ATAD2B: variants seen among roughly 807,000 people sequenced by gnomAD.
ATAD2B encodes the protein ATPase family AAA domain-containing protein 2B.
A neutral mutation model predicts 167.6 loss-of-function variants in ATAD2B; 40 were observed. The ratio of observed to expected loss-of-function variants is 0.24; its 90% CI spans 0.19 to 0.31. The LOEUF is 0.31. Among genes scored for constraint, ATAD2B ranks in the 10% least tolerant of loss-of-function variants. The pLI is 1.00. For missense variants in ATAD2B, 1,242 were observed against 1,757.2 expected (o/e 0.71, Z 5.24); for synonymous variants, 579 against 596.5 (o/e 0.97, Z 0.43).
At chr2:23,711,464 G>A in the ATAD2B span, among the ~76,000 whole-genome samples, 3 of 141,296 alleles carry the variant, frequency 2.1e-5, no homozygotes, top group Non-Finnish European at 4.5e-5. Flanking sequence ...CCGCCTCCTG[G>A]ATTCAAGTGA....
Position 23,911,596 on chromosome 2 carries a change from A to C in ATAD2B, c.216+14959T>G, listed in dbSNP as rs983144611. On this transcript the variant is annotated intron_variant, in intron 1 of 27. Coordinates refer to ENST00000238789, the MANE Select transcript of ATAD2B (RefSeq NM_017552.4). ...AAGAAGAGGAGAAAGAAGAGAACAGAGGAAGGGGACGGGGAGGGGGAGGGG... is the reference window on the plus strand; with the variant it reads ...AAGAAGAGGAGAAAGAAGAGAACAGCGGAAGGGGACGGGGAGGGGGAGGGG... Among the ~76,000 whole-genome samples the C allele has an allele frequency of 1.0e-4, 15 of 147,936 alleles. No homozygotes were observed. In the South Asian group the frequency reaches 3.3e-3, roughly 32 times the overall value.
intron 1 of ATAD2B, among the ~76,000 whole-genome samples, chr2:23,910,474 G>A (rs558839452): frequency 2.3e-4 from 35 of 150,992 alleles, no homozygotes; most frequent in East Asian, 2.0e-4. Flanking sequence ...CACTGCGCCC[G>A]GCCTGCATAC....
chr2:23,739,368 A>G, the ATAD2B span, among the ~76,000 whole-genome samples: 8 of 152,172 alleles, frequency 5.3e-5, no homozygotes, highest in Non-Finnish European at 1.0e-4. Context: ...CCACAGTGCA[A>G]TCAAACTAGA....
At chr2:23,775,876 G>A (rs567578751) in intron 22 of ATAD2B, among the ~76,000 whole-genome samples, 64 of 152,266 alleles carry the variant, frequency 4.2e-4, no homozygotes, top group Non-Finnish European at 9.0e-4. Flanking sequence ...CCAGCACTTT[G>A]GGAAGCCAAG....
chr2:23,826,493 C>T (rs1467945345), intron 15 of ATAD2B, among the ~76,000 whole-genome samples: 1 of 152,112 alleles, frequency 6.6e-6, no homozygotes, highest in African/African-American at 2.4e-5. Flanking sequence ...TCTACCATTA[C>T]AATTCTAATA....
chr2:23,729,337 A>G, the ATAD2B span, among the ~76,000 whole-genome samples: 1 of 152,224 alleles, frequency 6.6e-6, no homozygotes, highest in African/African-American at 2.4e-5. Context: ...CTTTGAAATG[A>G]GCCAATTAAA....
the ATAD2B span, among the ~76,000 whole-genome samples, chr2:23,732,531 T>A: frequency 3.7e-4 from 57 of 152,342 alleles, 2 homozygotes; most frequent in Admixed American, 3.6e-3. Flanking sequence ...TATAAATTCA[T>A]GATTAACCTA....
At chr2:23,783,208 T>C (rs1222029296) in intron 21 of ATAD2B, among the ~76,000 whole-genome samples, 180 bp from the exon 22 acceptor site, 1 of 151,832 alleles carries the variant, frequency 6.6e-6, no homozygotes, top group Non-Finnish European at 1.5e-5. Flanking sequence ...ATACTTTCCA[T>C]GAAAGCTTCA....
intron 17 of ATAD2B, among the ~76,000 whole-genome samples, 191 bp downstream of exon 17, chr2:23,819,556 G>A (rs1687138908): frequency 6.6e-6 from 1 of 151,074 alleles, no homozygotes; most frequent in African/African-American, 2.4e-5. Flanking sequence ...AAACACCTAG[G>A]TAGTTAACCA....
At chr2:23,888,827 A>T (rs1699058968) in intron 2 of ATAD2B, among the ~76,000 whole-genome samples, 1 of 152,244 alleles carries the variant, frequency 6.6e-6, no homozygotes, top group African/African-American at 2.4e-5. Flanking sequence ...AATATCATTT[A>T]ATAATTTCTT....
the ATAD2B span, chr2:23,693,474 G>C: frequency 1.3e-6 from 2 of 1,551,726 alleles, no homozygotes; most frequent in Non-Finnish European, 1.7e-6. Context: ...CTGAGGAGCT[G>C]GTGTACGAGA....
At chr2:23,729,815 A>G in the ATAD2B span, among the ~76,000 whole-genome samples, 4 of 152,250 alleles carry the variant, frequency 2.6e-5, no homozygotes, top group Non-Finnish European at 5.9e-5. Context: ...AGAATATTAC[A>G]TGATAATAAA....
intron 12 of ATAD2B, among the ~76,000 whole-genome samples, chr2:23,858,248 G>A (rs185431754): frequency 1.6e-4 from 24 of 151,970 alleles, no homozygotes; most frequent in Admixed American, 7.2e-4. Context: ...AGCCTCCCGA[G>A]TAGCTGGGAT....
chr2:23,878,735 C>T (rs1697419067), intron 7 of ATAD2B, among the ~76,000 whole-genome samples: 1 of 149,786 alleles, frequency 6.7e-6, no homozygotes, highest in African/African-American at 2.4e-5. Context: ...ATAAAAAAGA[C>T]AAGCAACAGA....
intron 16 of ATAD2B, among the ~76,000 whole-genome samples, chr2:23,821,022 G>T (rs2149635005): frequency 6.6e-6 from 1 of 152,194 alleles, no homozygotes; most frequent in South Asian, 2.1e-4. Flanking sequence ...TCTTTTGAGT[G>T]ATAATTTCAT....
At chr2:23,777,348 A>G (rs1020454052) in intron 22 of ATAD2B, among the ~76,000 whole-genome samples, 1 of 146,226 alleles carries the variant, frequency 6.8e-6, no homozygotes, top group African/African-American at 2.5e-5. Context: ...CATAATACTG[A>G]TATATCTATA....
intron 22 of ATAD2B, among the ~76,000 whole-genome samples, chr2:23,782,270 C>G (rs555762507): frequency 1.9e-4 from 29 of 152,380 alleles, no homozygotes; most frequent in Non-Finnish European, 2.6e-4. Context: ...AACGCAAGTC[C>G]AAATCCTATA....
At chr2:23,694,868 C>T in the ATAD2B span, among the ~76,000 whole-genome samples, 5 of 152,116 alleles carry the variant, frequency 3.3e-5, no homozygotes, top group Non-Finnish European at 5.9e-5. Flanking sequence ...TCCTCTTGCC[C>T]CTCGTGAATT....
intron 13 of ATAD2B, among the ~76,000 whole-genome samples, chr2:23,839,073 C>T (rs1690463581): frequency 6.6e-6 from 1 of 152,096 alleles, no homozygotes; most frequent in Admixed American, 6.5e-5. Context: ...CATTTTTACA[C>T]AATTACTAGC....
Sources: allele counts gnomAD v4.1 joint callset (sites outside exome capture counted in the v4.1 genomes callset), GRCh38; gene constraint gnomAD v4.1.1; transcripts MANE v1.5; gene names NCBI Gene and HGNC (gene_info 2026-07-23, HGNC 2026-07-21).